BTC: variants seen among roughly 807,000 people sequenced by gnomAD.
BTC encodes probetacellulin.
BTC carries 13 observed loss-of-function variants against 18.1 expected under a neutral mutation model. The ratio of observed to expected loss-of-function variants is 0.72; its 90% CI spans 0.47 to 1.14. BTC has a LOEUF of 1.14. BTC is among the 50% of genes most tolerant of loss of function. The pLI is 0.00. For missense variants in BTC, 247 were observed against 224.2 expected (o/e 1.10, Z -0.65); for synonymous variants, 83 against 79.4 (o/e 1.05, Z -0.24).
intron 1 of BTC, among the ~76,000 whole-genome samples, chr4:74,775,199 G>A (rs28473160): frequency 0.13 from 20,292 of 152,062 alleles, 1,860 homozygotes; most frequent in African/African-American, 0.25. Context: ...CCAAGCTGCA[G>A]GTTCTATTTT....
chr4:74,791,005 T>C (rs1014486533), intron 1 of BTC, among the ~76,000 whole-genome samples: 2 of 152,204 alleles, frequency 1.3e-5, no homozygotes, highest in African/African-American at 4.8e-5. Context: ...TCCTGTTATA[T>C]GCAACGCAAC....
chr4:74,789,427 A>G (rs75447947), intron 1 of BTC, among the ~76,000 whole-genome samples: 8,597 of 152,296 alleles, frequency 0.056, 358 homozygotes, highest in Admixed American at 0.12. Flanking sequence ...GTAATAATAC[A>G]TTGAATATTA....
chr4:74,785,172 G>C (rs550191554), intron 1 of BTC, among the ~76,000 whole-genome samples: 2 of 152,192 alleles, frequency 1.3e-5, no homozygotes, highest in Admixed American at 1.3e-4. Context: ...ATGTGTCCAG[G>C]AATTTATCCA....
At chr4:74,790,417 C>T (rs898891891) in intron 1 of BTC, among the ~76,000 whole-genome samples, 8 of 152,094 alleles carry the variant, frequency 5.3e-5, no homozygotes, top group African/African-American at 1.2e-4. Flanking sequence ...GAGACTTGCC[C>T]GAAGTTTCAG....
intron 3 of BTC, among the ~76,000 whole-genome samples, chr4:74,753,069 G>A (rs576072081): frequency 6.6e-6 from 1 of 152,284 alleles, no homozygotes; most frequent in South Asian, 2.1e-4. Flanking sequence ...TTTATTTTCA[G>A]TGAGTGTATC....
intron 4 of BTC, among the ~76,000 whole-genome samples, chr4:74,749,677 T>C (rs1560708189): frequency 1.0e-5 from 1 of 97,540 alleles, no homozygotes; most frequent in African/African-American, 4.1e-5. Context: ...TTTAATAAGA[T>C]AGTTTTTTTT....
intron 1 of BTC, among the ~76,000 whole-genome samples, chr4:74,793,717 G>A (rs1166907431): frequency 1.3e-5 from 2 of 152,086 alleles, no homozygotes; most frequent in Non-Finnish European, 1.5e-5. Context: ...CCTCTGGAGG[G>A]CTCTAGGCAT....
chr4:74,789,133 T>C (rs1241763565), intron 1 of BTC, among the ~76,000 whole-genome samples: 2 of 152,224 alleles, frequency 1.3e-5, no homozygotes, highest in African/African-American at 2.4e-5. Context: ...CTACTATACA[T>C]AGGAACTGGG....
At chr4:74,790,063 A>G (rs1203855137) in intron 1 of BTC, among the ~76,000 whole-genome samples, 2 of 152,234 alleles carry the variant, frequency 1.3e-5, no homozygotes, top group African/African-American at 4.8e-5. Flanking sequence ...ACCCAGTCAA[A>G]ATAAAACTTT....
intron 2 of BTC, among the ~76,000 whole-genome samples, chr4:74,769,197 G>T (rs896737366): frequency 5.9e-5 from 9 of 152,126 alleles, no homozygotes; most frequent in Admixed American, 3.9e-4. Context: ...CTTCTCTACT[G>T]CACCCCACTT....
intron 2 of BTC, among the ~76,000 whole-genome samples, chr4:74,759,506 A>T (rs1233885556): frequency 6.6e-6 from 1 of 152,196 alleles, no homozygotes; most frequent in African/African-American, 2.4e-5. Flanking sequence ...CACCACAGGT[A>T]ATATATACCA....
At chr4:74,782,916 C>T (rs1230342303) in intron 1 of BTC, among the ~76,000 whole-genome samples, 1 of 152,104 alleles carries the variant, frequency 6.6e-6, no homozygotes, top group Non-Finnish European at 1.5e-5. Context: ...AGTGCCTGTT[C>T]GTGTCCTTTG....
chr4:74,792,408 C>T lies in BTC; in HGVS notation c.64+1854G>A, dbSNP rs188948376. Reference sequence around the variant, plus strand: ...TATGACACCTCTGCTAAAACATCACCCTAATTTAGGCCCCAAGTAGCTCAT... The same window carrying T: ...TATGACACCTCTGCTAAAACATCACTCTAATTTAGGCCCCAAGTAGCTCAT... On this transcript the variant is annotated intron_variant, in intron 1 of 5. Coordinates refer to ENST00000395743, the MANE Select transcript of BTC (RefSeq NM_001729.4). Among the ~76,000 whole-genome samples, 136 of 152,252 alleles carry T rather than the reference C, an allele frequency of 8.9e-4. 1 individual carries two copies. Among genetic ancestry groups the T allele is most frequent in the African/African-American group, 3.1e-3 (130 of 41,546 alleles).
rs1382626598 is a variant in BTC at position 74,747,758 on chromosome 4, T to C, written c.*1+282A>G. Among the ~76,000 whole-genome samples, 17 of 152,292 alleles carry C rather than the reference T, an allele frequency of 1.1e-4. No homozygotes were observed. The South Asian group carries it at 1.9e-3, about 17-fold the overall frequency. On this transcript the variant is annotated intron_variant, in intron 5 of 5. Transcript: ENST00000395743. ...TCAATGTGAAGTGTCTATATTAAAA[T>C]ACCTCTTTCCTGTGCCCAAAAATGA...
chr4:74,758,105 T>C (rs1386559279), intron 2 of BTC, among the ~76,000 whole-genome samples: 1 of 152,120 alleles, frequency 6.6e-6, no homozygotes, highest in Non-Finnish European at 1.5e-5. Flanking sequence ...AATTGAGTTA[T>C]GGAGAATGTC....
chr4:74,782,087 G>GTAT (rs1725346792), intron 1 of BTC, among the ~76,000 whole-genome samples: 1 of 152,004 alleles, frequency 6.6e-6, no homozygotes, highest in South Asian at 2.1e-4. Flanking sequence ...AATGATTCAG[G>GTAT]TATATTTCCA....
Position 74,770,157 on chromosome 4 carries a change from C to A in BTC, c.65-1G>T. 10 of 1,599,176 alleles carry A rather than the reference C, an allele frequency of 6.3e-6. No individual in the cohort carries two copies. Among genetic ancestry groups the A allele is most frequent in the Non-Finnish European group, 8.5e-6 (10 of 1,175,636 alleles). Reference sequence around the variant, plus strand: ...ACCACACAGTGAAGGATCACTAGACCTTCAAATTCAAAACAGAACCAAAAT... The same window carrying A: ...ACCACACAGTGAAGGATCACTAGACATTCAAATTCAAAACAGAACCAAAAT... On this transcript the variant is annotated splice_acceptor_variant, in intron 1 of 5. Coordinates refer to ENST00000395743, the MANE Select transcript of BTC (RefSeq NM_001729.4). LOFTEE classifies it high-confidence loss of function.
intron 1 of BTC, among the ~76,000 whole-genome samples, chr4:74,780,975 GA>G (rs1324781994): frequency 6.6e-6 from 1 of 150,620 alleles, no homozygotes; most frequent in Admixed American, 6.6e-5. Flanking sequence ...TTCGTATTTT[GA>G]AATTCTATCT....
rs549561905 is a variant in BTC, at chr4:74,753,958, C to T, written c.281+1901G>A. On this transcript the variant is annotated intron_variant, in intron 3 of 5. Coordinates refer to ENST00000395743, the MANE Select transcript of BTC (RefSeq NM_001729.4). ...TGCTGGGTACCACAATTAGTGTTTT[C>T]GCATTTATTATTTTGCTATCTTCAC... is the stretch of plus-strand genomic sequence containing the variant. 3.7e-4 allele frequency among the ~76,000 whole-genome samples: 56 copies of T among 152,220 alleles called. 1 individual carries two copies. Among genetic ancestry groups the T allele is most frequent in the South Asian group, 1.5e-3 (7 of 4,814 alleles).
Sources: gnomAD v4.1 joint callset for allele counts (sites outside exome capture counted in the v4.1 genomes callset) on GRCh38, gnomAD v4.1.1 for gene constraint, MANE v1.5 for transcripts, NCBI Gene and HGNC (gene_info 2026-07-23, HGNC 2026-07-21) for gene names.